Variants in MAD1L1 observed in about 807,000 individuals in gnomAD.
MAD1L1 encodes mitotic arrest deficient 1 like 1, also known as mitotic spindle assembly checkpoint protein MAD1.
In MAD1L1, 95 loss-of-function variants were observed where a neutral mutation model predicts 96.9. The observed-to-expected ratio is 0.98, with a 90% CI of 0.83 to 1.16. The LOEUF (loss-of-function observed/expected upper bound fraction) is 1.16, where lower values mean the gene tolerates loss of function less well. Among genes scored for constraint, MAD1L1 ranks in the 50% most tolerant of loss-of-function variants. The probability of loss-of-function intolerance (pLI) is 0.00; values close to 1 mark genes in which losing one functional copy is unlikely to be tolerated. For synonymous variants in MAD1L1, 473 were observed against 396.6 expected, an observed-to-expected ratio of 1.19 and a Z score of -2.29; for missense variants, 1,007 against 954.4, an observed-to-expected ratio of 1.06 and a Z score of -0.73.
chr7:2,044,708 C>T (rs145733740), intron 12 of MAD1L1, among the ~76,000 whole-genome samples: 1,873 of 152,274 alleles, frequency 0.012, 31 homozygotes, highest in African/African-American at 0.042. Flanking sequence ...GCACAGCCCA[C>T]GTGTTTCCCG....
chr7:1,912,332 A>G (rs6974083), intron 17 of MAD1L1, among the ~76,000 whole-genome samples: 18,368 of 152,296 alleles, frequency 0.12, 2,210 homozygotes, highest in African/African-American at 0.3. Flanking sequence ...TTTGGGGAAC[A>G]TGAGCTGAGA....
intron 11 of MAD1L1, among the ~76,000 whole-genome samples, chr7:2,122,762 G>T (rs1788039431): frequency 6.6e-6 from 1 of 152,234 alleles, no homozygotes; most frequent in Non-Finnish European, 1.5e-5. Context: ...CACCTGTGCA[G>T]GTGCACGGGT....
intron 17 of MAD1L1, among the ~76,000 whole-genome samples, chr7:1,922,206 C>T (rs1483807923): frequency 2.0e-5 from 3 of 152,238 alleles, no homozygotes; most frequent in Admixed American, 1.3e-4. Context: ...CTTCCAGCTG[C>T]GAGAGACATG....
intron 11 of MAD1L1, among the ~76,000 whole-genome samples, chr7:2,138,016 T>C (rs1327356587): frequency 6.6e-6 from 1 of 152,226 alleles, no homozygotes; most frequent in East Asian, 1.9e-4. Context: ...ACAGGGCGTT[T>C]CTGTACTGAC....
intron 16 of MAD1L1, among the ~76,000 whole-genome samples, chr7:1,950,108 T>C (rs1779420867): frequency 6.6e-6 from 1 of 152,128 alleles, no homozygotes; most frequent in Non-Finnish European, 1.5e-5. Flanking sequence ...CAAGGGCTCG[T>C]GGGCCAGGCG....
intron 10 of MAD1L1, among the ~76,000 whole-genome samples, chr7:2,168,893 G>A (rs990710040): frequency 7.9e-5 from 12 of 152,316 alleles, no homozygotes; most frequent in African/African-American, 1.4e-4. Context: ...TGGCTGAAGC[G>A]GGAGGAACAC....
At chr7:2,050,756 G>A (rs1285132588) in intron 12 of MAD1L1, among the ~76,000 whole-genome samples, 1 of 152,128 alleles carries the variant, frequency 6.6e-6, no homozygotes, top group African/African-American at 2.4e-5. Flanking sequence ...TCAGTCCTCA[G>A]CAGGCCCACC....
At chr7:1,975,600 G>A (rs990442217) in intron 15 of MAD1L1, among the ~76,000 whole-genome samples, 1 of 152,220 alleles carries the variant, frequency 6.6e-6, no homozygotes, top group East Asian at 1.9e-4. Flanking sequence ...GTGTTTAATG[G>A]AGATTTGTTG....
intron 18 of MAD1L1, among the ~76,000 whole-genome samples, chr7:1,895,177 C>T (rs1465643006): frequency 6.6e-6 from 1 of 152,204 alleles, no homozygotes; most frequent in Non-Finnish European, 1.5e-5. Context: ...CCAGGGAAAA[C>T]CGCAGACACA....
chr7:1,889,026 C>G (rs4994764), intron 18 of MAD1L1, among the ~76,000 whole-genome samples: 106,219 of 152,196 alleles, frequency 0.7, 37,741 homozygotes, highest in African/African-American at 0.83. Flanking sequence ...ATCCACTCAG[C>G]GCAATGTGGC....
intron 10 of MAD1L1, among the ~76,000 whole-genome samples, chr7:2,160,457 C>A (rs962299575): frequency 6.6e-6 from 1 of 150,796 alleles, no homozygotes; most frequent in East Asian, 2.0e-4. Context: ...CTCAGACTCC[C>A]GAGGGGCTGG....
rs28631878 is a variant in MAD1L1 at position 2,192,485 on chromosome 7, T to C, written c.986+20727A>G. ...ACACACCAGCAGCTATGATCGTGCA[T>C]GCTCCTCTTCCATCTTCCGAAAGAC... On this transcript the variant is annotated intron_variant, in intron 10 of 18. Coordinates refer to ENST00000265854, the MANE Select transcript of MAD1L1 (RefSeq NM_001013836.2). Among the ~76,000 whole-genome samples the C allele has an allele frequency of 4.4e-3, 668 of 152,278 alleles. 5 individuals carry two copies. The highest frequency in any genetic ancestry group is 0.015 in the African/African-American group (626 of 41,542).
intron 12 of MAD1L1, among the ~76,000 whole-genome samples, chr7:2,030,273 G>A (rs1783165951): frequency 6.6e-6 from 1 of 152,222 alleles, no homozygotes; most frequent in East Asian, 1.9e-4. Context: ...CGGGGTGGAG[G>A]TCACAAAGTT....
chr7:1,821,096 G>A (rs941222627), intron 18 of MAD1L1, among the ~76,000 whole-genome samples: 4 of 147,698 alleles, frequency 2.7e-5, no homozygotes, highest in East Asian at 2.0e-4. Context: ...AAAAAAAAGG[G>A]GGGGGGGAGA....
At chr7:1,880,653 T>C (rs368265293) in intron 18 of MAD1L1, among the ~76,000 whole-genome samples, 27 of 152,302 alleles carry the variant, frequency 1.8e-4, no homozygotes, top group African/African-American at 5.5e-4. Context: ...AGAAGGATGC[T>C]CACATACAAT....
Position 2,011,925 on chromosome 7 carries a change from G to A in MAD1L1, c.1359+2577C>T, listed in dbSNP as rs186478833. On this transcript the variant is annotated intron_variant, in intron 13 of 18. Transcript: ENST00000265854. ...GGGCAGAGGAGGCTGTGAGGGCTCA[G>A]GGAGGACCAGCCGTGTGAACTCCCA... 4.6e-5 allele frequency among the ~76,000 whole-genome samples: 7 copies of A among 152,308 alleles called. No homozygotes were observed. The East Asian group carries it at 1.2e-3, about 25-fold the overall frequency.
intron 11 of MAD1L1, among the ~76,000 whole-genome samples, chr7:2,078,504 C>A (rs929553565): frequency 1.3e-5 from 2 of 152,240 alleles, no homozygotes; most frequent in Non-Finnish European, 2.9e-5. Flanking sequence ...TGATCAGGAG[C>A]TGCTGGAGAT....
chr7:2,158,423 A>C (rs1789943465), intron 10 of MAD1L1, among the ~76,000 whole-genome samples: 2 of 152,366 alleles, frequency 1.3e-5, no homozygotes, highest in South Asian at 4.1e-4. Flanking sequence ...AGACACCTCA[A>C]GCTTTCAAAG....
At chr7:2,086,085 C>T (rs1044386649) in intron 11 of MAD1L1, among the ~76,000 whole-genome samples, 5 of 152,302 alleles carry the variant, frequency 3.3e-5, no homozygotes, top group East Asian at 1.9e-4. Flanking sequence ...CGGGGGAGGA[C>T]GGCAAGACCC....
Sources: allele counts gnomAD v4.1 joint callset (sites outside exome capture counted in the v4.1 genomes callset), GRCh38; gene constraint gnomAD v4.1.1; transcripts MANE v1.5; gene names NCBI Gene and HGNC (gene_info 2026-07-23, HGNC 2026-07-21).